The following PPP2R2B variants were observed in gnomAD, a reference collection of about 807,000 sequenced individuals.
The protein encoded by PPP2R2B is protein phosphatase 2 regulatory subunit Bbeta.
Under a neutral mutation model 46.0 loss-of-function variants are expected in PPP2R2B, and 5 were observed. That is an observed-to-expected ratio of 0.11 (90% CI 0.06 to 0.23). PPP2R2B has a LOEUF of 0.23. Among genes scored for constraint, PPP2R2B ranks in the 10% least tolerant of loss-of-function variants. The probability of loss-of-function intolerance (pLI) is 1.00; values close to 1 mark genes in which losing one functional copy is unlikely to be tolerated. For synonymous variants in PPP2R2B, 215 were observed against 206.7 expected, an observed-to-expected ratio of 1.04 and a Z score of -0.34; for missense variants, 367 against 575.0, an observed-to-expected ratio of 0.64 and a Z score of 3.70.
rs550729061 is a variant in PPP2R2B, at chr5:147,055,569, G to T, written c.79+96C>A. 3.4e-4 allele frequency: 367 copies of T among 1,069,430 alleles called. 7 individuals are homozygous for T. The South Asian group carries it at 4.6e-3, about 13-fold the overall frequency. 66.2% of individuals were successfully genotyped at this position (1,069,430 alleles called of 1,614,324 possible). ...TTTTGCCAGGAATGACAGTCACCTA[G>T]TAGCTACAGAAAGCAGCATCAGCAG... On this transcript the variant is annotated intron_variant, in intron 1 of 8. Coordinates refer to the PPP2R2B transcript ENST00000336640.
At chr5:146,636,675 A>T (rs1561792210) in intron 7 of PPP2R2B, among the ~76,000 whole-genome samples, 2 of 152,152 alleles carry the variant, frequency 1.3e-5, no homozygotes, top group East Asian at 3.9e-4. Flanking sequence ...TGGGAACCAG[A>T]CTCTGGGTAT....
At chr5:146,667,113 C>A (rs894381244) in intron 5 of PPP2R2B, among the ~76,000 whole-genome samples, 1 of 152,028 alleles carries the variant, frequency 6.6e-6, no homozygotes, top group Non-Finnish European at 1.5e-5. Context: ...AGAAGATGAA[C>A]AAATGAGTTA....
chr5:147,012,676 T>C (rs1461837528), intron 1 of PPP2R2B, among the ~76,000 whole-genome samples: 1 of 151,582 alleles, frequency 6.6e-6, no homozygotes, highest in Non-Finnish European at 1.5e-5. Flanking sequence ...GATGTTAGGG[T>C]GTCAATTTTG....
intron 2 of PPP2R2B, among the ~76,000 whole-genome samples, chr5:146,809,206 C>A (rs1170976078): frequency 6.6e-6 from 1 of 152,120 alleles, no homozygotes; most frequent in Non-Finnish European, 1.5e-5. Flanking sequence ...GGCCGTCAGG[C>A]TTTCTGCTTT....
intron 1 of PPP2R2B, among the ~76,000 whole-genome samples, chr5:146,926,340 T>C (rs925331578): frequency 3.9e-5 from 6 of 152,140 alleles, no homozygotes; most frequent in African/African-American, 1.4e-4. Flanking sequence ...TACTAATGCC[T>C]ATGCTAGTCT....
intron 5 of PPP2R2B, among the ~76,000 whole-genome samples, chr5:146,654,906 A>G (rs1776217734): frequency 6.6e-6 from 1 of 152,196 alleles, no homozygotes; most frequent in Non-Finnish European, 1.5e-5. Flanking sequence ...AGAGCCAGAC[A>G]AAATTCAGAT....
At chr5:146,623,418 G>A (rs1309229323) in intron 7 of PPP2R2B, among the ~76,000 whole-genome samples, 1 of 152,180 alleles carries the variant, frequency 6.6e-6, no homozygotes, top group Non-Finnish European at 1.5e-5. Flanking sequence ...GTCCCACCAC[G>A]ATAAGTGTAC....
chr5:146,676,912 G>C (rs1349972732), intron 5 of PPP2R2B, among the ~76,000 whole-genome samples: 1 of 152,164 alleles, frequency 6.6e-6, no homozygotes, highest in East Asian at 1.9e-4. Context: ...ATCTAATTGG[G>C]ACTGGTGTGG....
At chr5:146,823,267 G>A (rs1477780430) in intron 2 of PPP2R2B, among the ~76,000 whole-genome samples, 1 of 151,934 alleles carries the variant, frequency 6.6e-6, no homozygotes, top group Non-Finnish European at 1.5e-5. Context: ...GCATGATCTC[G>A]ACTCACTGCA....
chr5:146,670,964 G>A (rs1777324195), intron 5 of PPP2R2B, among the ~76,000 whole-genome samples: 2 of 152,134 alleles, frequency 1.3e-5, no homozygotes, highest in African/African-American at 4.8e-5. Flanking sequence ...GCCAGATAGA[G>A]TCATCTGAAA....
rs776922435 is a variant in PPP2R2B at position 146,590,142 on chromosome 5, C to T, written c.1137G>A (p.Arg379=). The T allele has an allele frequency of 9.3e-6, 15 of 1,613,232 alleles. No individual in the cohort carries two copies. The East Asian group carries it at 3.3e-4, about 36-fold the overall frequency. Residue 379 remains arginine (R), a synonymous_variant, in exon 10 of 10, where the codon AGG becomes AGA. Transcript: ENST00000394411. Reference sequence around the variant, plus strand: ...GGATAGCCCGGGGCTTGCTGTTTTCCCTCGAAGCCTCAAGGGTCACATCAC... The same window carrying T: ...GGATAGCCCGGGGCTTGCTGTTTTCTCTCGAAGCCTCAAGGGTCACATCAC... ...TKRDVTLEAS[R]ENSKPRAILK...
rs560656425 is a variant in PPP2R2B at position 146,650,865 on chromosome 5, T to C, written c.448-141A>G. On this transcript the variant is annotated intron_variant, in intron 5 of 9. Coordinates refer to ENST00000394411, the MANE Select transcript of PPP2R2B (RefSeq NM_181675.4). ...CCAAGTTAGAGAAAGAAGAGGCTAA[T>C]AACGAATCACACACTGTTCTTGTTC... 1.8e-5 allele frequency: 13 copies of C among 732,920 alleles called. No individual in the cohort carries two copies. In the East Asian group the frequency reaches 2.8e-4, roughly 16 times the overall value. The allele number at this position is 732,920 out of a possible 1,614,324, so 45.4% of individuals were successfully genotyped here.
chr5:146,592,523 A>G (rs1417572754), intron 9 of PPP2R2B, among the ~76,000 whole-genome samples: 1 of 152,228 alleles, frequency 6.6e-6, no homozygotes, highest in Non-Finnish European at 1.5e-5. Flanking sequence ...AATGTGATAA[A>G]TGAGGTTGAC....
chr5:146,892,374 C>T (rs319186), intron 1 of PPP2R2B, among the ~76,000 whole-genome samples: 77,044 of 152,030 alleles, frequency 0.51, 22,002 homozygotes, highest in African/African-American at 0.76. Context: ...AAGAGCTTTA[C>T]AATTTCCTGT....
At chr5:146,862,062 T>C (rs1761039535) in intron 2 of PPP2R2B, among the ~76,000 whole-genome samples, 1 of 152,198 alleles carries the variant, frequency 6.6e-6, no homozygotes, top group African/African-American at 2.4e-5. Flanking sequence ...AAATAATCTA[T>C]TATGATCTTA....
At chr5:146,810,952 C>G (rs894030217) in intron 2 of PPP2R2B, among the ~76,000 whole-genome samples, 1 of 149,644 alleles carries the variant, frequency 6.7e-6, no homozygotes, top group African/African-American at 2.5e-5. Context: ...CAATTCCCAC[C>G]TATGAGTGAG....
At chr5:146,601,566 A>C (rs957411893) in intron 7 of PPP2R2B, among the ~76,000 whole-genome samples, 43 of 152,192 alleles carry the variant, frequency 2.8e-4, no homozygotes, top group African/African-American at 8.9e-4. Flanking sequence ...AGAAATAAAA[A>C]AAGTGGTGCT....
chr5:146,937,296 G>A lies in PPP2R2B; in HGVS notation c.79+118369C>T, dbSNP rs1167399435. 6.7e-5 allele frequency among the ~76,000 whole-genome samples: 10 copies of A among 149,324 alleles called. No individual in the cohort carries two copies. In the East Asian group the frequency reaches 7.9e-4, roughly 12 times the overall value. On this transcript the variant is annotated intron_variant, in intron 1 of 8. Transcript: ENST00000336640. ...AGCCTGGGTGACAGAGTGAGACTCC[G>A]TCTCAGAAAAAAAAAAAAAGGGGGG...
chr5:146,592,941 A>G, intron 9 of PPP2R2B, 30 bp downstream of exon 9: 1 of 1,564,650 alleles, frequency 6.4e-7, no homozygotes, highest in Non-Finnish European at 8.8e-7. Flanking sequence ...CAATCTTTGG[A>G]AGGTTCTTCA....
Sources: gnomAD v4.1 joint callset for allele counts (sites outside exome capture counted in the v4.1 genomes callset) on GRCh38, gnomAD v4.1.1 for gene constraint, MANE v1.5 for transcripts, NCBI Gene and HGNC (gene_info 2026-07-23, HGNC 2026-07-21) for gene names.